The following C6orf52 variants were observed in gnomAD, a reference collection of about 807,000 sequenced individuals.
The protein encoded by C6orf52 is putative uncharacterized protein C6orf52.
C6orf52 carries 16 observed loss-of-function variants against 16.6 expected under a neutral mutation model. That is an observed-to-expected ratio of 0.96 (90% confidence interval 0.65 to 1.46). The LOEUF is 1.46. Among genes scored for constraint, C6orf52 ranks in the 40% most tolerant of loss-of-function variants. C6orf52 has a pLI of 0.00. For missense variants in C6orf52, 166 were observed against 182.3 expected, an observed-to-expected ratio of 0.91 and a Z score of 0.52; for synonymous variants, 53 against 61.4, an observed-to-expected ratio of 0.86 and a Z score of 0.64.
At chr6:10,684,753 C>T in intron 3 of C6orf52, 1 of 671,698 alleles carries the variant, frequency 1.5e-6, no homozygotes, top group Non-Finnish European at 2.3e-6. Flanking sequence ...TTGGGGGAAG[C>T]AGGGAATGAC....
intron 4 of C6orf52, among the ~76,000 whole-genome samples, chr6:10,675,136 T>G (rs1443552864): frequency 1.3e-5 from 2 of 152,078 alleles, no homozygotes; most frequent in Non-Finnish European, 2.9e-5. Context: ...ACGGTATTCC[T>G]CCTAGCTAAC....
In C6orf52 at chr6:10,684,329, G is replaced by T. The variant is rs570783802; in HGVS notation, c.271-1097C>A. 2.3e-4 allele frequency among the ~76,000 whole-genome samples: 35 copies of T among 152,242 alleles called. 1 individual carries two copies. In the South Asian group the frequency reaches 7.1e-3, roughly 31 times the overall value. ...TCTCTAAAAGCTAATTATATAAAAA[G>T]AAAAGAAAGAAATGGCAAAGACACC... On this transcript the variant is annotated intron_variant, in intron 3 of 4. Coordinates refer to ENST00000259983, the MANE Select transcript of C6orf52 (RefSeq NM_001145020.3).
intron 4 of C6orf52, among the ~76,000 whole-genome samples, chr6:10,682,731 A>C (rs1231379872): frequency 6.6e-6 from 1 of 152,212 alleles, no homozygotes; most frequent in East Asian, 1.9e-4. Flanking sequence ...CTAGGCAGGC[A>C]AACTTTGTTC....
intron 3 of C6orf52, among the ~76,000 whole-genome samples, chr6:10,686,414 G>T (rs987958849): frequency 4.6e-5 from 7 of 152,192 alleles, no homozygotes; most frequent in South Asian, 2.1e-4. Flanking sequence ...AATGGGGAAG[G>T]AGGAGGGGTG....
At chr6:10,694,268 A>T (rs2127476361) in intron 1 of C6orf52, among the ~76,000 whole-genome samples, 1 of 151,666 alleles carries the variant, frequency 6.6e-6, no homozygotes, top group Admixed American at 6.6e-5. Context: ...CTCAAAAAAA[A>T]AAAAAAAAAA....
chr6:10,673,611 A>G (rs1358605833), intron 4 of C6orf52, among the ~76,000 whole-genome samples: 1 of 152,230 alleles, frequency 6.6e-6, no homozygotes, highest in Non-Finnish European at 1.5e-5. Flanking sequence ...AGTTCTGGAG[A>G]TGAATGGTGA....
At chr6:10,683,569 C>T (rs746785665) in intron 3 of C6orf52, among the ~76,000 whole-genome samples, 3 of 152,190 alleles carry the variant, frequency 2.0e-5, no homozygotes, top group Non-Finnish European at 4.4e-5. Flanking sequence ...ATCCAGGCTC[C>T]TTATTTCTTG....
upstream of C6orf52, chr6:10,694,885 T>C (rs879001419): frequency 3.8e-5 from 30 of 798,014 alleles, no homozygotes; most frequent in African/African-American, 5.3e-5. Flanking sequence ...CGAGCGCCGA[T>C]GCAGAAAGGA....
intron 4 of C6orf52, among the ~76,000 whole-genome samples, chr6:10,677,622 C>T (rs1768011710): frequency 6.6e-6 from 1 of 151,808 alleles, no homozygotes; most frequent in Non-Finnish European, 1.5e-5. Flanking sequence ...ACCTCCGCCT[C>T]CCGGGTTCCA....
intron 4 of C6orf52, among the ~76,000 whole-genome samples, chr6:10,673,744 T>C (rs1451540368): frequency 1.3e-5 from 2 of 152,200 alleles, no homozygotes; most frequent in Non-Finnish European, 2.9e-5. Flanking sequence ...AATTTTATGT[T>C]ATGCATATTT....
At chr6:10,693,449 C>T (rs114111972) in intron 1 of C6orf52, among the ~76,000 whole-genome samples, 1 of 152,218 alleles carries the variant, frequency 6.6e-6, no homozygotes, top group Non-Finnish European at 1.5e-5. Flanking sequence ...CAAATGAAAT[C>T]ATTTCTGCAA....
chr6:10,676,047 T>C (rs975799687), intron 4 of C6orf52, among the ~76,000 whole-genome samples: 2 of 152,102 alleles, frequency 1.3e-5, no homozygotes, highest in African/African-American at 4.8e-5. Flanking sequence ...CTGGGTTCAT[T>C]TGAACGGGGG....
In C6orf52 at chr6:10,690,363, G is replaced by C. The variant is rs948454237; in HGVS notation, c.-11-2802C>G. 3.3e-5 allele frequency among the ~76,000 whole-genome samples: 5 copies of C among 152,250 alleles called. 1 individual carries two copies. Among genetic ancestry groups the C allele is most frequent in the African/African-American group, 9.6e-5 (4 of 41,520 alleles). ...ACACTACTGGACAGGTTCAGGGCACGTACAGCATTATCTCCACTTCCCTTC... is the reference window on the plus strand; with the variant it reads ...ACACTACTGGACAGGTTCAGGGCACCTACAGCATTATCTCCACTTCCCTTC... On this transcript the variant is annotated intron_variant, in intron 1 of 4. Transcript: ENST00000259983.
intron 1 of C6orf52, among the ~76,000 whole-genome samples, chr6:10,694,223 G>C (rs1332292637): frequency 6.8e-6 from 1 of 146,940 alleles, no homozygotes; most frequent in Non-Finnish European, 1.5e-5. Flanking sequence ...TCGCGCCACC[G>C]GACTCCAGCC....
intron 1 of C6orf52, among the ~76,000 whole-genome samples, chr6:10,693,764 C>T (rs114431039): frequency 0.016 from 2,444 of 152,176 alleles, 51 homozygotes; most frequent in African/African-American, 0.045. Flanking sequence ...GGGCCTGGCT[C>T]GTCCCCCAGA....
At position 10,694,589 on chromosome 6, in the gene C6orf52, A is replaced by G; in HGVS notation, c.-107T>C. On this transcript the variant is annotated 5_prime_UTR_variant, in exon 1 of 5. Coordinates refer to ENST00000259983, the MANE Select transcript of C6orf52 (RefSeq NM_001145020.3). ...CACAACAATGCACGCTGCCGGCGCT[A>G]CAGCCCCTAAGCAACCGGCCGGAAG... 3 of 178,134 alleles carry G rather than the reference A, an allele frequency of 1.7e-5. No homozygotes were observed. The highest frequency in any genetic ancestry group is 2.0e-4 in the South Asian group (2 of 10,150). 11.0% of individuals were successfully genotyped at this position (178,134 alleles called of 1,614,324 possible). A position where few individuals can be genotyped will look rare whatever the true frequency, so the allele number is the denominator to read the frequency against.
At chr6:10,688,289 T>C (rs943696465) in intron 1 of C6orf52, among the ~76,000 whole-genome samples, 2 of 152,174 alleles carry the variant, frequency 1.3e-5, no homozygotes, top group East Asian at 1.9e-4. Context: ...TTCTCTAACT[T>C]GACAGATTTG....
Position 10,694,601 on chromosome 6 carries a change from C to CTTGTGTAG in C6orf52, c.-120_-119insCTACACAA. The CTTGTGTAG allele has an allele frequency of 5.7e-6, 1 of 175,902 alleles. No individual in the cohort carries two copies. Among genetic ancestry groups the CTTGTGTAG allele is most frequent in the Non-Finnish European group, 1.2e-5 (1 of 81,262 alleles). The allele number at this position is 175,902 out of a possible 1,614,324, so 10.9% of individuals were successfully genotyped here. On this transcript the variant is annotated 5_prime_UTR_variant, in exon 1 of 5. Transcript: ENST00000259983. ...CGCTGCCGGCGCTACAGCCCCTAAGCAACCGGCCGGAAGTCGGCCCCACCT... is the reference window on the plus strand; with the variant it reads ...CGCTGCCGGCGCTACAGCCCCTAAGCTTGTGTAGAACCGGCCGGAAGTCGGCCCCACCT...
chr6:10,690,462 A>G (rs1266054984), intron 1 of C6orf52, among the ~76,000 whole-genome samples: 3 of 152,180 alleles, frequency 2.0e-5, no homozygotes, highest in Non-Finnish European at 4.4e-5. Flanking sequence ...CTTGAATTTA[A>G]CAGAGTTGCT....
Sources: allele counts gnomAD v4.1 joint callset (sites outside exome capture counted in the v4.1 genomes callset), GRCh38; gene constraint gnomAD v4.1.1; transcripts MANE v1.5; gene names NCBI Gene and HGNC (gene_info 2026-07-23, HGNC 2026-07-21).